Variants in VAPB observed in about 807,000 individuals in gnomAD.
VAPB encodes the protein vesicle-associated membrane protein-associated protein B/C.
VAPB carries 7 observed loss-of-function variants against 25.6 expected under a neutral mutation model. The ratio of observed to expected loss-of-function variants is 0.27; its 90% CI spans 0.16 to 0.51. VAPB has a LOEUF of 0.51. VAPB is among the 20% of genes least tolerant of loss of function. The pLI is 0.97. For synonymous variants in VAPB, 112 were observed against 109.2 expected (o/e 1.03, Z -0.16); for missense variants, 266 against 301.3 (o/e 0.88, Z 0.87).
rs1382531877 is a variant in VAPB at position 58,445,217 on chromosome 20, T to A, written c.*982T>A. 4.4e-6 allele frequency: 2 copies of A among 454,156 alleles called. No homozygotes were observed. Among genetic ancestry groups the A allele is most frequent in the Non-Finnish European group, 8.8e-6 (2 of 226,786 alleles). 28.1% of individuals were successfully genotyped at this position (454,156 alleles called of 1,614,324 possible). On this transcript the variant is annotated 3_prime_UTR_variant, in exon 6 of 6. Transcript: ENST00000475243. ...ACAGTCAACTCTAGGTTACCTTTTTTAATGAAGAGTAGTCAGTCTTCTAGA... is the reference window on the plus strand; with the variant it reads ...ACAGTCAACTCTAGGTTACCTTTTTAAATGAAGAGTAGTCAGTCTTCTAGA...
chr20:58,419,248 T>C (rs1267332815), intron 2 of VAPB, among the ~76,000 whole-genome samples: 3 of 152,344 alleles, frequency 2.0e-5, no homozygotes, highest in African/African-American at 7.2e-5. Flanking sequence ...CACTTGGCTA[T>C]TCATTTGACA....
intron 2 of VAPB, among the ~76,000 whole-genome samples, chr20:58,420,265 G>T (rs11698141): frequency 6.6e-6 from 1 of 152,136 alleles, no homozygotes; most frequent in African/African-American, 2.4e-5. Context: ...GATTACAGGC[G>T]TGAGCCACCG....
intron 3 of VAPB, among the ~76,000 whole-genome samples, chr20:58,437,742 C>T (rs1041287667): frequency 6.6e-6 from 1 of 152,196 alleles, no homozygotes; most frequent in Non-Finnish European, 1.5e-5. Context: ...GACATTTTCT[C>T]CATCTAACTG....
chr20:58,440,626 A>C, intron 4 of VAPB: 1 of 339,912 alleles, frequency 2.9e-6, no homozygotes, highest in Non-Finnish European at 5.6e-6. Flanking sequence ...CCGTGGCAGG[A>C]ATTTGATAGT....
chr20:58,411,741 C>T (rs1463192936), intron 1 of VAPB, among the ~76,000 whole-genome samples: 3 of 152,146 alleles, frequency 2.0e-5, no homozygotes, highest in South Asian at 2.1e-4. Flanking sequence ...TGCAGTGGCA[C>T]GATCTCAGCA....
In VAPB at chr20:58,448,540, T is replaced by C. The variant is rs1201866456; in HGVS notation, c.*4305T>C. 1 of 454,104 alleles carries C rather than the reference T, an allele frequency of 2.2e-6. No homozygotes were observed. Among genetic ancestry groups the C allele is most frequent in the South Asian group, 1.6e-5 (1 of 64,474 alleles). 28.1% of individuals were successfully genotyped at this position (454,104 alleles called of 1,614,324 possible). A position where few individuals can be genotyped will look rare whatever the true frequency, so the allele number is the denominator to read the frequency against. On this transcript the variant is annotated 3_prime_UTR_variant, in exon 6 of 6. Coordinates refer to ENST00000475243, the MANE Select transcript of VAPB (RefSeq NM_004738.5). Reference sequence around the variant, plus strand: ...CCAGGAGGTTAAATCGGGCAACTTTTTAGAACTAAATCAGTCTCTGTAAGG... The same window carrying C: ...CCAGGAGGTTAAATCGGGCAACTTTCTAGAACTAAATCAGTCTCTGTAAGG...
Position 58,446,109 on chromosome 20 carries a change from G to GGT in VAPB, c.*1876_*1877dup, listed in dbSNP as rs1989285883. ...TTGAATCCCAGGTACTCACAGAAAT[G>GGT]GTGAACAGACTTAGTTGTTACCCAG... On this transcript the variant is annotated 3_prime_UTR_variant, in exon 6 of 6. Transcript: ENST00000475243. 2.2e-6 allele frequency: 1 copy of GGT among 453,902 alleles called. No homozygotes were observed. Among genetic ancestry groups the GGT allele is most frequent in the African/African-American group, 2.0e-5 (1 of 49,962 alleles). The allele number at this position is 453,902 out of a possible 1,614,324, so 28.1% of individuals were successfully genotyped here.
intron 1 of VAPB, among the ~76,000 whole-genome samples, chr20:58,402,370 T>A (rs1252320353): frequency 6.6e-6 from 1 of 152,192 alleles, no homozygotes; most frequent in African/African-American, 2.4e-5. Context: ...CCTTTTCCTC[T>A]TGTTTGTTTC....
At chr20:58,437,770 T>C (rs144569673) in intron 3 of VAPB, among the ~76,000 whole-genome samples, 1 of 152,338 alleles carries the variant, frequency 6.6e-6, no homozygotes, top group Non-Finnish European at 1.5e-5. Flanking sequence ...TTCAGCATCA[T>C]TTGAGTGGCA....
rs59133081 is a variant in VAPB at position 58,423,414 on chromosome 20, C to CAAAAAAAAAAAAAAAAAAAAAAAAAAAA, written c.211+5059_211+5086dup. Among the ~76,000 whole-genome samples, 6 of 34,764 alleles carry CAAAAAAAAAAAAAAAAAAAAAAAAAAAA rather than the reference C, an allele frequency of 1.7e-4. 2 individuals are homozygous for CAAAAAAAAAAAAAAAAAAAAAAAAAAAA. Among genetic ancestry groups the CAAAAAAAAAAAAAAAAAAAAAAAAAAAA allele is most frequent in the Non-Finnish European group, 3.0e-4 (6 of 20,136 alleles). 22.8% of individuals were successfully genotyped at this position (34,764 alleles called of 152,430 possible). ...GCAACAAGAGAGAAACTCCATCTCA[C>CAAAAAAAAAAAAAAAAAAAAAAAAAAAA]AAAAAAAAAAAAAAAAAAAAAAAAA... On this transcript the variant is annotated intron_variant, in intron 2 of 5. Transcript: ENST00000475243.
chr20:58,450,902 A>T lies in VAPB; in HGVS notation c.*6667A>T. 6.6e-6 allele frequency: 3 copies of T among 454,124 alleles called. No homozygotes were observed. The highest frequency in any genetic ancestry group is 4.7e-5 in the South Asian group (3 of 64,472). 28.1% of individuals were successfully genotyped at this position (454,124 alleles called of 1,614,324 possible). ...TGGTTTTCTGATATGTAATAAATTC[A>T]TGGCTTGGCAGCTGACATGATGTTT... On this transcript the variant is annotated 3_prime_UTR_variant, in exon 6 of 6. Transcript: ENST00000475243.
At chr20:58,429,423 G>C (rs541876985) in intron 2 of VAPB, among the ~76,000 whole-genome samples, 1 of 152,226 alleles carries the variant, frequency 6.6e-6, no homozygotes, top group South Asian at 2.1e-4. Flanking sequence ...TTGCATGCCT[G>C]TTTATGTCTT....
At chr20:58,393,847 C>T (rs1206750706) in intron 1 of VAPB, among the ~76,000 whole-genome samples, 1 of 152,208 alleles carries the variant, frequency 6.6e-6, no homozygotes, top group Admixed American at 6.5e-5. Flanking sequence ...CTTCTCCTGC[C>T]TCAGCCTCCC....
At chr20:58,393,732 TTTTGTTTTG>T (rs1987871817) in intron 1 of VAPB, among the ~76,000 whole-genome samples, 1 of 152,070 alleles carries the variant, frequency 6.6e-6, no homozygotes, top group Admixed American at 6.5e-5. Flanking sequence ...TTTTGTTTTG[TTTTGTTTTG>T]TTTTTTTTGA....
In VAPB at chr20:58,449,032, C is replaced by T. The variant is rs1419866099; in HGVS notation, c.*4797C>T. The T allele has an allele frequency of 2.2e-6, 1 of 453,984 alleles. No individual in the cohort carries two copies. The highest frequency in any genetic ancestry group is 2.0e-5 in the African/African-American group (1 of 49,980). The allele number at this position is 453,984 out of a possible 1,614,324, so 28.1% of individuals were successfully genotyped here. A position where few individuals can be genotyped will look rare whatever the true frequency, so the allele number is the denominator to read the frequency against. On this transcript the variant is annotated 3_prime_UTR_variant, in exon 6 of 6. Coordinates refer to ENST00000475243, the MANE Select transcript of VAPB (RefSeq NM_004738.5). Reference sequence around the variant, plus strand: ...TGAGCTGCTGATGTCTCAGGCCTTTCCCTGAATTAGCACTGCGGTTCTCCA... The same window carrying T: ...TGAGCTGCTGATGTCTCAGGCCTTTTCCTGAATTAGCACTGCGGTTCTCCA...
At position 58,448,386 on chromosome 20, in the gene VAPB, GT is replaced by G. The variant is rs769636978; in HGVS notation, c.*4153del. ...CTCTGATAGGAACCTTTTCAAGAAA[GT>G]TACTGTTGTTTCAATGCCACTCCTT... On this transcript the variant is annotated 3_prime_UTR_variant, in exon 6 of 6. Transcript: ENST00000475243. 6 of 454,024 alleles carry G rather than the reference GT, an allele frequency of 1.3e-5. 1 individual carries two copies. The highest frequency in any genetic ancestry group is 9.3e-5 in the South Asian group (6 of 64,468). 28.1% of individuals were successfully genotyped at this position (454,024 alleles called of 1,614,324 possible).
intron 1 of VAPB, among the ~76,000 whole-genome samples, chr20:58,402,562 C>CTT (rs1491184515): frequency 9.7e-5 from 13 of 134,636 alleles, no homozygotes; most frequent in African/African-American, 1.8e-4. Flanking sequence ...CCCCCCCACC[C>CTT]TTTTTTTTTT....
At position 58,449,934 on chromosome 20, in the gene VAPB, C is replaced by CT. The variant is rs533554836; in HGVS notation, c.*5708dup. ...GTCTGACTGAAATAAAACAGGTTCCCTTTTTTTTTCCCTTTGGAAAATGCC... is the reference window on the plus strand; with the variant it reads ...GTCTGACTGAAATAAAACAGGTTCCCTTTTTTTTTTCCCTTTGGAAAATGCC... On this transcript the variant is annotated 3_prime_UTR_variant, in exon 6 of 6. Transcript: ENST00000475243. The CT allele has an allele frequency of 8.8e-5, 40 of 453,212 alleles. No homozygotes were observed. The highest frequency in any genetic ancestry group is 1.4e-3 in the Middle Eastern group (2 of 1,442). 28.1% of individuals were successfully genotyped at this position (453,212 alleles called of 1,614,324 possible).
chr20:58,415,519 A>G (rs1988518468), intron 1 of VAPB, among the ~76,000 whole-genome samples: 1 of 152,204 alleles, frequency 6.6e-6, no homozygotes. Flanking sequence ...TGTTACAGAC[A>G]TTATCTGAAA....
Sources: allele counts gnomAD v4.1 joint callset (sites outside exome capture counted in the v4.1 genomes callset), GRCh38; gene constraint gnomAD v4.1.1; transcripts MANE v1.5; gene names NCBI Gene and HGNC (gene_info 2026-07-23, HGNC 2026-07-21).